Variants in ANKFN1 observed in about 807,000 individuals in gnomAD.
ANKFN1 encodes ankyrin repeat and fibronectin type III domain containing 1.
ANKFN1 carries 74 observed loss-of-function variants against 108.7 expected under a neutral mutation model. That is an observed-to-expected ratio of 0.68 (90% CI 0.56 to 0.83). ANKFN1 has a LOEUF of 0.83. Among genes scored for constraint, ANKFN1 ranks in the 40% least tolerant of loss-of-function variants. The pLI is 0.00. For missense variants in ANKFN1, 1,505 were observed against 1,382.3 expected, an observed-to-expected ratio of 1.09 and a Z score of -1.41; for synonymous variants, 547 against 516.2, an observed-to-expected ratio of 1.06 and a Z score of -0.81.
intron 19 of ANKFN1, among the ~76,000 whole-genome samples, chr17:56,496,397 G>C (rs548447890): frequency 1.3e-5 from 2 of 151,924 alleles, no homozygotes; most frequent in South Asian, 2.1e-4. Flanking sequence ...CCATAAACTG[G>C]GTGGCTTAAA....
intron 3 of ANKFN1, among the ~76,000 whole-genome samples, chr17:56,296,435 G>A (rs2044511790): frequency 6.6e-6 from 1 of 152,134 alleles, no homozygotes. Context: ...TATAATTCTA[G>A]CACTTTGGGA....
intron 3 of ANKFN1, among the ~76,000 whole-genome samples, chr17:56,310,885 C>G (rs1019740845): frequency 6.6e-6 from 1 of 151,982 alleles, no homozygotes; most frequent in East Asian, 1.9e-4. Flanking sequence ...GCCTGTGTAA[C>G]GGAAATTTTG....
intron 4 of ANKFN1, among the ~76,000 whole-genome samples, chr17:56,095,271 C>G (rs192948637): frequency 2.0e-5 from 3 of 150,644 alleles, no homozygotes; most frequent in East Asian, 3.9e-4. Flanking sequence ...GAAACTCACC[C>G]AGCTGCTTGT....
At chr17:56,448,958 C>T (rs1310320001) in intron 10 of ANKFN1, 121 bp from the exon 11 acceptor site, 7 of 695,014 alleles carry the variant, frequency 1.0e-5, no homozygotes, top group South Asian at 1.8e-5. Context: ...TCTGCATGTG[C>T]GGGGTGCTCA....
chr17:56,160,323 C>T (rs748298893), intron 1 of ANKFN1, among the ~76,000 whole-genome samples: 3 of 152,202 alleles, frequency 2.0e-5, no homozygotes, highest in Non-Finnish European at 4.4e-5. Flanking sequence ...ATTACAAACT[C>T]TGCAAGTTTC....
At chr17:56,070,910 AT>A (rs1252159286) in intron 4 of ANKFN1, among the ~76,000 whole-genome samples, 8 of 151,894 alleles carry the variant, frequency 5.3e-5, no homozygotes, top group Admixed American at 3.3e-4. Context: ...AATTTTTTGT[AT>A]TTTAAGTAGA....
intron 3 of ANKFN1, among the ~76,000 whole-genome samples, chr17:56,301,664 AG>A (rs1350459325): frequency 6.6e-6 from 1 of 152,234 alleles, no homozygotes; most frequent in African/African-American, 2.4e-5. Flanking sequence ...AGAGCTTTGA[AG>A]GGCTTCTCTC....
intron 8 of ANKFN1, among the ~76,000 whole-genome samples, chr17:56,424,281 A>T (rs147561472): frequency 3.0e-4 from 46 of 152,246 alleles, no homozygotes; most frequent in African/African-American, 9.9e-4. Context: ...CCTTCTCTAC[A>T]ACTGCTGTTT....
intron 8 of ANKFN1, among the ~76,000 whole-genome samples, chr17:56,377,981 C>T (rs1017789927): frequency 1.3e-5 from 2 of 152,132 alleles, no homozygotes; most frequent in African/African-American, 4.8e-5. Context: ...CGTGTCTTTT[C>T]CTACTTCATT....
At chr17:56,418,478 T>A (rs1469591618) in intron 8 of ANKFN1, among the ~76,000 whole-genome samples, 1 of 152,182 alleles carries the variant, frequency 6.6e-6, no homozygotes, top group African/African-American at 2.4e-5. Flanking sequence ...AATGTTCAAG[T>A]CGATTTTCTT....
chr17:56,053,787 C>A (rs975129708), intron 4 of ANKFN1, among the ~76,000 whole-genome samples: 1 of 152,118 alleles, frequency 6.6e-6, no homozygotes, highest in Non-Finnish European at 1.5e-5. Flanking sequence ...CATGTAGGTT[C>A]CCTTTTCTCC....
rs548202493 is a variant in ANKFN1, at chr17:56,095,235, T to C, written c.288+48910T>C. On this transcript the variant is annotated intron_variant, in intron 4 of 12. Transcript: ENST00000635860. ...ATGTAACTATTTTCAGCCCTGTGAT[T>C]GACTAACATCAGGATAAGTTCAGAG... Among the ~76,000 whole-genome samples the C allele has an allele frequency of 2.7e-4, 41 of 151,286 alleles. 1 individual carries two copies. Among genetic ancestry groups the C allele is most frequent in the Non-Finnish European group, 5.8e-4 (39 of 67,716 alleles).
intron 2 of ANKFN1, among the ~76,000 whole-genome samples, chr17:56,221,484 G>A (rs866696049): frequency 4.6e-5 from 7 of 152,232 alleles, no homozygotes; most frequent in South Asian, 2.1e-4. Flanking sequence ...AGCCTTATAC[G>A]ATGTACAAGA....
At chr17:56,326,737 C>T (rs2045527031) in intron 4 of ANKFN1, among the ~76,000 whole-genome samples, 3 of 152,170 alleles carry the variant, frequency 2.0e-5, no homozygotes, top group African/African-American at 7.2e-5. Context: ...TAACAAAACA[C>T]CTGTTGGGTC....
chr17:56,249,894 G>A lies in ANKFN1; in HGVS notation c.53+21937G>A, dbSNP rs1362142305. On this transcript the variant is annotated intron_variant, in intron 3 of 20. Transcript: ENST00000682825. ...CACTGATGGAGATGTAGTCACTGGG[G>A]CAGTTTCCAGGGCTTCTGGATTTTC... 2.0e-5 allele frequency among the ~76,000 whole-genome samples: 3 copies of A among 152,298 alleles called. No homozygotes were observed. The South Asian group carries it at 6.2e-4, about 32-fold the overall frequency.
intron 3 of ANKFN1, among the ~76,000 whole-genome samples, chr17:56,273,883 T>C (rs556509510): frequency 1.3e-3 from 194 of 152,284 alleles, no homozygotes; most frequent in African/African-American, 4.6e-3. Flanking sequence ...CTGGGATAAG[T>C]TTAGCTTCAG....
At chr17:56,402,381 T>C (rs1183483302) in intron 8 of ANKFN1, among the ~76,000 whole-genome samples, 9 of 152,194 alleles carry the variant, frequency 5.9e-5, no homozygotes, top group African/African-American at 1.4e-4. Context: ...TACTGGTCTG[T>C]TCAGGGTATC....
intron 4 of ANKFN1, among the ~76,000 whole-genome samples, chr17:56,103,102 A>G (rs1027423455): frequency 7.9e-5 from 12 of 152,224 alleles, no homozygotes; most frequent in South Asian, 2.1e-4. Flanking sequence ...GCATCTGGAT[A>G]TCTACAAAAT....
intron 4 of ANKFN1, among the ~76,000 whole-genome samples, chr17:56,107,200 G>GGGCTGC (rs936096977): frequency 5.9e-5 from 9 of 152,166 alleles, no homozygotes; most frequent in Admixed American, 3.3e-4. Context: ...GGCTGGGCTG[G>GGGCTGC]GGCTGCAGAG....
Sources: gnomAD v4.1 joint callset for allele counts (sites outside exome capture counted in the v4.1 genomes callset) on GRCh38, gnomAD v4.1.1 for gene constraint, MANE v1.5 for transcripts, NCBI Gene and HGNC (gene_info 2026-07-23, HGNC 2026-07-21) for gene names.